The following SRGAP2C variants were observed in gnomAD, a reference collection of about 807,000 sequenced individuals.
SRGAP2C encodes SLIT-ROBO Rho GTPase activating protein 2C, also known as SLIT-ROBO Rho GTPase-activating protein 2C.
A neutral mutation model predicts 25.1 loss-of-function variants in SRGAP2C; 15 were observed. The ratio of observed to expected loss-of-function variants is 0.60; its 90% CI spans 0.40 to 0.92. The LOEUF (loss-of-function observed/expected upper bound fraction) is 0.92, where lower values mean the gene tolerates loss of function less well. Ranked by LOEUF, SRGAP2C falls within the 40% of genes least tolerant of loss-of-function variation. The probability of loss-of-function intolerance (pLI) is 0.00; values close to 1 mark genes in which losing one functional copy is unlikely to be tolerated. For synonymous variants in SRGAP2C, 44 were observed against 96.6 expected (o/e 0.46, Z 3.19); for missense variants, 144 against 264.4 (o/e 0.54, Z 3.16).
At chr1:121,371,896 G>GA (rs1186282242) in intron 5 of SRGAP2C, among the ~76,000 whole-genome samples, 24 of 147,860 alleles carry the variant, frequency 1.6e-4, no homozygotes, top group Admixed American at 7.4e-4. Flanking sequence ...AGATTCAGGT[G>GA]AAAAAAGAGA....
rs587748555 is a variant in SRGAP2C at position 121,273,606 on chromosome 1, A to G, written c.68-11197A>G. Among the ~76,000 whole-genome samples, 156 of 151,102 alleles carry G rather than the reference A, an allele frequency of 1.0e-3. 1 individual carries two copies. The highest frequency in any genetic ancestry group is 5.0e-4 in the Non-Finnish European group (34 of 67,528). On this transcript the variant is annotated intron_variant, in intron 2 of 9. Coordinates refer to ENST00000367123, the MANE Select transcript of SRGAP2C (RefSeq NM_001329984.2). ...GGGAGAACATAACAAGAGATTGCTT[A>G]TAAGTTGACTATAGCTTCATGAGAG...
At chr1:121,238,229 C>T (rs1255616059) in intron 2 of SRGAP2C, among the ~76,000 whole-genome samples, 13 of 149,868 alleles carry the variant, frequency 8.7e-5, no homozygotes, top group South Asian at 2.1e-4. Flanking sequence ...GCATAGCCCC[C>T]ACCCAAGTTG....
chr1:121,249,567 TATATATATATA>T (rs1363174227), intron 2 of SRGAP2C, among the ~76,000 whole-genome samples: 3 of 32,794 alleles, frequency 9.1e-5, no homozygotes, highest in Non-Finnish European at 1.7e-4. Flanking sequence ...TATATATATA[TATATATATATA>T]TATTTTTTTT....
intron 2 of SRGAP2C, among the ~76,000 whole-genome samples, chr1:121,266,100 G>A (rs1224992641): frequency 5.9e-5 from 9 of 151,390 alleles, no homozygotes; most frequent in Non-Finnish European, 1.3e-4. Flanking sequence ...TCAGACTCCC[G>A]AGTAGCTGGA....
chr1:121,287,903 C>A, intron 3 of SRGAP2C, among the ~76,000 whole-genome samples: 1 of 151,912 alleles, frequency 6.6e-6, no homozygotes, highest in East Asian at 1.9e-4. Context: ...CTTGTGGTCT[C>A]GCTGGGCTCA....
chr1:121,207,264 G>A (rs1395003503), intron 2 of SRGAP2C, among the ~76,000 whole-genome samples: 57 of 152,246 alleles, frequency 3.7e-4, no homozygotes, highest in African/African-American at 1.3e-3. Flanking sequence ...GGAATTAATA[G>A]CATTTTCTTT....
chr1:121,235,230 C>T (rs1243343360), intron 2 of SRGAP2C, among the ~76,000 whole-genome samples: 1 of 106,464 alleles, frequency 9.4e-6, no homozygotes, highest in African/African-American at 4.1e-5. Flanking sequence ...GGGGTTTCAC[C>T]GTGTTAACCA....
intron 2 of SRGAP2C, among the ~76,000 whole-genome samples, chr1:121,263,451 C>T (rs1404238615): frequency 1.7e-5 from 2 of 114,962 alleles, no homozygotes; most frequent in South Asian, 2.7e-4. Flanking sequence ...AAAAAAAAAA[C>T]TTCAGTGCTT....
At chr1:121,338,959 T>C (rs1281341282) in intron 4 of SRGAP2C, among the ~76,000 whole-genome samples, 1 of 150,770 alleles carries the variant, frequency 6.6e-6, no homozygotes, top group Admixed American at 6.6e-5. Context: ...ACGTGTTTTT[T>C]TCAAGATATT....
chr1:121,198,267 G>A (rs1360988297), intron 2 of SRGAP2C, among the ~76,000 whole-genome samples: 4 of 145,704 alleles, frequency 2.7e-5, no homozygotes, highest in African/African-American at 1.0e-4. Context: ...TTAGGAAGAA[G>A]GCATATTCTC....
intron 4 of SRGAP2C, among the ~76,000 whole-genome samples, chr1:121,355,287 T>TGCG (rs1659037526): frequency 7.3e-6 from 1 of 137,706 alleles, no homozygotes; most frequent in Non-Finnish European, 1.5e-5. Flanking sequence ...GCCTGACAAC[T>TGCG]GCGGGTAGAT....
intron 4 of SRGAP2C, among the ~76,000 whole-genome samples, chr1:121,340,139 TA>T (rs1229835361): frequency 1.3e-5 from 2 of 151,946 alleles, no homozygotes; most frequent in Non-Finnish European, 2.9e-5. Context: ...TCTCCAACTT[TA>T]ATCATCTCTT....
At chr1:121,377,263 C>CTT (rs57457251) in intron 7 of SRGAP2C, among the ~76,000 whole-genome samples, 298 of 50,398 alleles carry the variant, frequency 5.9e-3, no homozygotes, top group Non-Finnish European at 6.9e-3. Context: ...TCTCATGTTT[C>CTT]TTTTTTTTTT....
intron 7 of SRGAP2C, 62 bp downstream of exon 7, chr1:121,375,016 A>T (rs1659604420): frequency 1.4e-6 from 1 of 739,338 alleles, no homozygotes; most frequent in Admixed American, 1.9e-5. Context: ...TACTCGTCAG[A>T]CATTCCCGAT....
intron 3 of SRGAP2C, among the ~76,000 whole-genome samples, chr1:121,292,192 G>GCTGATGAGT (rs1363516103): frequency 3.4e-4 from 51 of 151,860 alleles, no homozygotes; most frequent in Admixed American, 3.3e-3. Flanking sequence ...AGTCCACGTA[G>GCTGATGAGT]CTGATGAGTT....
chr1:121,310,424 T>C (rs1657955671), intron 3 of SRGAP2C, among the ~76,000 whole-genome samples: 2 of 139,568 alleles, frequency 1.4e-5, no homozygotes, highest in East Asian at 2.1e-4. Context: ...AGCTCTTTAG[T>C]TTTATGAGAT....
At chr1:121,271,520 T>A (rs1382752999) in intron 2 of SRGAP2C, among the ~76,000 whole-genome samples, 2 of 151,874 alleles carry the variant, frequency 1.3e-5, no homozygotes, top group African/African-American at 2.4e-5. Flanking sequence ...TAATAGCCCA[T>A]GAAGAAGGAG....
At chr1:121,217,002 A>G (rs1321591832) in intron 2 of SRGAP2C, among the ~76,000 whole-genome samples, 4 of 149,274 alleles carry the variant, frequency 2.7e-5, no homozygotes, top group Non-Finnish European at 4.4e-5. Context: ...AGATTCCACA[A>G]CCTATTTTGA....
chr1:121,306,769 C>T (rs1312403250), intron 3 of SRGAP2C, among the ~76,000 whole-genome samples: 9 of 151,412 alleles, frequency 5.9e-5, no homozygotes, highest in Non-Finnish European at 1.0e-4. Context: ...ATCTGGAATA[C>T]GTAATTATCT....
Sources: gnomAD v4.1 joint callset for allele counts (sites outside exome capture counted in the v4.1 genomes callset) on GRCh38, gnomAD v4.1.1 for gene constraint, MANE v1.5 for transcripts, NCBI Gene and HGNC (gene_info 2026-07-23, HGNC 2026-07-21) for gene names.